Variants in XPO4 observed in about 807,000 individuals in gnomAD.
XPO4 encodes the protein exportin-4.
In XPO4, 39 loss-of-function variants were observed where a neutral mutation model predicts 143.0. The ratio of observed to expected loss-of-function variants is 0.27; its 90% CI spans 0.21 to 0.36. The LOEUF (loss-of-function observed/expected upper bound fraction) is 0.36. Among genes scored for constraint, XPO4 ranks in the 10% least tolerant of loss-of-function variants. XPO4 has a pLI of 1.00. For synonymous variants in XPO4, 439 were observed against 474.0 expected (o/e 0.93, Z 0.96); for missense variants, 907 against 1,348.0 (o/e 0.67, Z 5.12).
chr13:20,866,394 CAAAGA>C, intron 2 of XPO4: 1 of 983,694 alleles, frequency 1.0e-6, no homozygotes, highest in Non-Finnish European at 1.2e-6. Context: ...AGGGAAGCAT[CAAAGA>C]AAGTCTCCCC....
chr13:20,810,985 TCA>T (rs1273073286), intron 9 of XPO4, among the ~76,000 whole-genome samples: 2 of 152,220 alleles, frequency 1.3e-5, no homozygotes, highest in Non-Finnish European at 2.9e-5. Context: ...CCAGGCTGTT[TCA>T]CAGAGTTACT....
intron 1 of XPO4, among the ~76,000 whole-genome samples, chr13:20,892,071 G>A (rs535143831): frequency 6.7e-6 from 1 of 149,450 alleles, no homozygotes; most frequent in East Asian, 2.0e-4. Context: ...TGCTCTTTTA[G>A]GCTGGAGTGC....
At chr13:20,825,590 G>A (rs901934628) in intron 7 of XPO4, among the ~76,000 whole-genome samples, 1 of 152,184 alleles carries the variant, frequency 6.6e-6, no homozygotes, top group African/African-American at 2.4e-5. Flanking sequence ...CTAGACAGCT[G>A]TTCAGATCTG....
At chr13:20,809,759 G>C (rs538079154) in intron 10 of XPO4, 32 bp downstream of exon 10, 1 of 1,568,936 alleles carries the variant, frequency 6.4e-7, no homozygotes, top group African/African-American at 1.4e-5. Context: ...TGATGAAATA[G>C]ACTGTTAATT....
At chr13:20,858,414 C>G (rs2060165267) in intron 3 of XPO4, among the ~76,000 whole-genome samples, 2 of 152,064 alleles carry the variant, frequency 1.3e-5, no homozygotes, top group Non-Finnish European at 1.5e-5. Flanking sequence ...CTGTGGCACT[C>G]TCGAATAGTT....
intron 6 of XPO4, among the ~76,000 whole-genome samples, chr13:20,835,798 C>T (rs927476006): frequency 1.2e-4 from 19 of 152,122 alleles, no homozygotes; most frequent in South Asian, 2.1e-4. Flanking sequence ...CCTTCACCTC[C>T]TCCACTTCTG....
chr13:20,800,431 C>CA, intron 14 of XPO4, 106 bp from the exon 15 acceptor site: 18 of 1,033,884 alleles, frequency 1.7e-5, no homozygotes, highest in Non-Finnish European at 2.1e-5. Flanking sequence ...TGAAGTAGTG[C>CA]TTACTTCACA....
At chr13:20,835,049 G>A (rs1445910902) in intron 6 of XPO4, among the ~76,000 whole-genome samples, 2 of 152,162 alleles carry the variant, frequency 1.3e-5, no homozygotes, top group African/African-American at 4.8e-5. Context: ...CTGTTGCCCA[G>A]GCTGGGGTGC....
At chr13:20,819,102 C>A (rs1050424203) in intron 9 of XPO4, among the ~76,000 whole-genome samples, 3 of 152,150 alleles carry the variant, frequency 2.0e-5, no homozygotes, top group African/African-American at 4.8e-5. Flanking sequence ...GGATTACAGG[C>A]GTGAGCCACT....
At chr13:20,901,043 G>C (rs2060616066) in intron 1 of XPO4, among the ~76,000 whole-genome samples, 1 of 152,152 alleles carries the variant, frequency 6.6e-6, no homozygotes, top group South Asian at 2.1e-4. Flanking sequence ...CACAGCTTTA[G>C]AGCCAGACAG....
At chr13:20,869,899 ATT>A (rs2060278088) in intron 1 of XPO4, among the ~76,000 whole-genome samples, 1 of 152,052 alleles carries the variant, frequency 6.6e-6, no homozygotes, top group Non-Finnish European at 1.5e-5. Context: ...GAGATCAGGA[ATT>A]TGAGACCAGC....
intron 6 of XPO4, among the ~76,000 whole-genome samples, chr13:20,835,783 C>A (rs1313522106): frequency 6.6e-6 from 1 of 152,074 alleles, no homozygotes; most frequent in Non-Finnish European, 1.5e-5. Flanking sequence ...CCTTTCCTTA[C>A]CTCCCCTTCA....
chr13:20,855,800 C>A, intron 3 of XPO4, 35 bp from the exon 4 acceptor site: 5 of 1,545,960 alleles, frequency 3.2e-6, no homozygotes, highest in Non-Finnish European at 4.3e-6. Flanking sequence ...AAAAATTTAC[C>A]TAAATCTAAT....
chr13:20,778,879 A>G lies in XPO4; in HGVS notation c.*4843T>C, dbSNP rs1217479258. The G allele has an allele frequency of 6.6e-6, 1 of 152,230 alleles. No individual in the cohort carries two copies. The highest frequency in any genetic ancestry group is 2.4e-5 in the African/African-American group (1 of 41,468). The allele number at this position is 152,230 out of a possible 1,614,324, so 9.4% of individuals were successfully genotyped here. A position where few individuals can be genotyped will look rare whatever the true frequency, so the allele number is the denominator to read the frequency against. ...CACACATGGTCAAAACAAAAATGTA[A>G]TAAAAATATTTAGTGAAAAGACACA... On this transcript the variant is annotated 3_prime_UTR_variant, in exon 23 of 23. Transcript: ENST00000255305.
At chr13:20,890,209 A>T (rs930416242) in intron 1 of XPO4, among the ~76,000 whole-genome samples, 11 of 152,094 alleles carry the variant, frequency 7.2e-5, no homozygotes, top group African/African-American at 2.7e-4. Context: ...AGCACTTTGG[A>T]GAGGCTGAGG....
intron 1 of XPO4, among the ~76,000 whole-genome samples, chr13:20,901,563 TAA>T (rs1344774424): frequency 1.3e-5 from 2 of 152,156 alleles, no homozygotes; most frequent in African/African-American, 4.8e-5. Flanking sequence ...AAACGTACAT[TAA>T]GTTAATATTC....
intron 1 of XPO4, among the ~76,000 whole-genome samples, chr13:20,884,417 A>ATCCGG (rs2060442676): frequency 6.6e-6 from 1 of 151,998 alleles, no homozygotes; most frequent in African/African-American, 2.4e-5. Context: ...ATCCGATCCG[A>ATCCGG]TCCGATCCAA....
intron 6 of XPO4, among the ~76,000 whole-genome samples, chr13:20,832,556 T>A (rs1180116994): frequency 1.3e-5 from 2 of 152,230 alleles, no homozygotes; most frequent in South Asian, 2.1e-4. Context: ...AATGCTTTAC[T>A]CCCTTCATCT....
At chr13:20,818,461 C>T (rs1197948938) in intron 9 of XPO4, among the ~76,000 whole-genome samples, 1 of 152,136 alleles carries the variant, frequency 6.6e-6, no homozygotes, top group African/African-American at 2.4e-5. Flanking sequence ...CCATCAAAGA[C>T]ATGAATTGCT....
Sources: allele counts gnomAD v4.1 joint callset (sites outside exome capture counted in the v4.1 genomes callset), GRCh38; gene constraint gnomAD v4.1.1; transcripts MANE v1.5; gene names NCBI Gene and HGNC (gene_info 2026-07-23, HGNC 2026-07-21).